DCBLD2: variants seen among roughly 807,000 people sequenced by gnomAD.
DCBLD2 encodes discoidin, CUB and LCCL domain-containing protein 2.
DCBLD2 carries 54 observed loss-of-function variants against 86.8 expected under a neutral mutation model. The observed-to-expected ratio is 0.62, with a 90% CI of 0.50 to 0.78. The LOEUF (loss-of-function observed/expected upper bound fraction) is 0.78, where lower values mean the gene tolerates loss of function less well. Among genes scored for constraint, DCBLD2 ranks in the 30% least tolerant of loss-of-function variants. The pLI is 0.00. For synonymous variants in DCBLD2, 354 were observed against 341.3 expected (o/e 1.04, Z -0.41); for missense variants, 908 against 954.2 (o/e 0.95, Z 0.64).
intron 3 of DCBLD2, among the ~76,000 whole-genome samples, chr3:98,835,938 C>CTTTCTT (rs56279917): frequency 0.28 from 32,062 of 114,850 alleles, 5,683 homozygotes; most frequent in East Asian, 0.59. Flanking sequence ...TCCTTTCTTT[C>CTTTCTT]TTTTTTTTTT....
chr3:98,881,758 C>T lies in DCBLD2; in HGVS notation c.215G>A (p.Cys72Tyr). 6.3e-7 allele frequency: 1 copy of T among 1,594,310 alleles called. No homozygotes were observed. Among genetic ancestry groups the T allele is most frequent in the Non-Finnish European group, 8.6e-7 (1 of 1,166,874 alleles). ...EDAGAQQGDGCGHTVLGPESG... is the reference protein window; with the variant it reads ...EDAGAQQGDGYGHTVLGPESG... ...CTCAGGGCCTAGTACAGTGTGTCCACATCCATCACCTTTAAAAAAAGTGAA... is the reference window on the plus strand; with the variant it reads ...CTCAGGGCCTAGTACAGTGTGTCCATATCCATCACCTTTAAAAAAAGTGAA... Residue 72 changes from cysteine (C) to tyrosine (Y), a missense_variant, in exon 2 of 16, where the codon TGT becomes TAT. Cys to Tyr is a radical substitution (Grantham distance 194). This residue lies in a region of DCBLD2 where 294 missense variants were observed against 256.0 expected (regional missense o/e 1.15). Coordinates refer to ENST00000326840, the MANE Select transcript of DCBLD2 (RefSeq NM_080927.4).
At chr3:98,838,120 T>TGGGGC (rs1942514768) in intron 3 of DCBLD2, among the ~76,000 whole-genome samples, 1 of 125,678 alleles carries the variant, frequency 8.0e-6, no homozygotes, top group Non-Finnish European at 1.7e-5. Context: ...CCCTCCCGGA[T>TGGGGC]GGGGCGGCTG....
intron 13 of DCBLD2, among the ~76,000 whole-genome samples, chr3:98,803,145 G>A (rs1421801953): frequency 6.6e-6 from 1 of 152,140 alleles, no homozygotes; most frequent in Non-Finnish European, 1.5e-5. Context: ...GGGCAGTATG[G>A]CCATTTTCAC....
intron 1 of DCBLD2, among the ~76,000 whole-genome samples, chr3:98,884,785 G>A (rs1943531201): frequency 6.6e-6 from 1 of 151,860 alleles, no homozygotes; most frequent in African/African-American, 2.4e-5. Context: ...AAGTGTAGAT[G>A]AATTTCAGAA....
At chr3:98,880,702 C>T (rs1180032254) in intron 2 of DCBLD2, among the ~76,000 whole-genome samples, 1 of 152,062 alleles carries the variant, frequency 6.6e-6, no homozygotes, top group African/African-American at 2.4e-5. Flanking sequence ...ATCTTAGGTG[C>T]TGTTTACTTT....
intron 4 of DCBLD2, among the ~76,000 whole-genome samples, chr3:98,823,897 G>T (rs1213970986): frequency 6.6e-6 from 1 of 152,132 alleles, no homozygotes; most frequent in African/African-American, 2.4e-5. Flanking sequence ...ACCGCCCCCA[G>T]TCAGGGAATG....
At chr3:98,853,924 A>G (rs1942885240) in intron 2 of DCBLD2, among the ~76,000 whole-genome samples, 1 of 152,222 alleles carries the variant, frequency 6.6e-6, no homozygotes, top group Non-Finnish European at 1.5e-5. Flanking sequence ...CTTTCAGTGG[A>G]GGGAAATGAA....
At position 98,819,232 on chromosome 3, in the gene DCBLD2, T is replaced by C. The variant is rs1180823174; in HGVS notation, c.1057A>G (p.Ile353Val). ...ATTTTCTTTTCCTTATTCAAATCTA[T>C]TTGTAACCACTGGTATTCATCAGTG... ...FATDEYQWLQ[I>V]DLNKEKKITG... Residue 353 changes from isoleucine (I) to valine (V), a missense_variant, in exon 8 of 16, where the codon ATA (isoleucine) becomes GTA (valine). Coordinates refer to ENST00000326840, the MANE Select transcript of DCBLD2 (RefSeq NM_080927.4). 6.3e-7 allele frequency: 1 copy of C among 1,593,898 alleles called. No individual in the cohort carries two copies. Among genetic ancestry groups the C allele is most frequent in the African/African-American group, 1.3e-5 (1 of 74,668 alleles).
At chr3:98,800,068 G>C (rs1263976561) in intron 15 of DCBLD2, among the ~76,000 whole-genome samples, 1 of 152,114 alleles carries the variant, frequency 6.6e-6, no homozygotes, top group Non-Finnish European at 1.5e-5. Flanking sequence ...TTTGCATATA[G>C]AATTTTCACA....
intron 4 of DCBLD2, among the ~76,000 whole-genome samples, chr3:98,823,030 AC>A (rs1404652869): frequency 6.6e-6 from 1 of 151,970 alleles, no homozygotes; most frequent in East Asian, 1.9e-4. Context: ...ATACCACCAC[AC>A]CTGGCTAATT....
rs767554940 is a variant in DCBLD2, at chr3:98,881,540, C to T, written c.433G>A (p.Gly145Ser). Residue 145 changes from glycine to serine, a missense_variant and splice_region_variant, in exon 2 of 16, where the codon GGC becomes AGC. Gly to Ser is a moderately conservative substitution (Grantham distance 56, BLOSUM62 0). Coordinates refer to ENST00000326840, the MANE Select transcript of DCBLD2 (RefSeq NM_080927.4). Reference protein sequence around the residue: ...NGIGVSRTEIGKYCGLGLQMN... With the variant: ...NGIGVSRTEISKYCGLGLQMN... ...GTACATTTACAAAAAAAAGTCCTAC[C>T]TATTTCAGTTCTGCTGACTCCAATT... 6 of 1,613,118 alleles carry T rather than the reference C, an allele frequency of 3.7e-6. No homozygotes were observed. Among genetic ancestry groups the T allele is most frequent in the South Asian group, 1.1e-5 (1 of 91,026 alleles).
chr3:98,839,244 TTTC>T (rs1942575535), intron 3 of DCBLD2, among the ~76,000 whole-genome samples: 1 of 150,724 alleles, frequency 6.6e-6, no homozygotes, highest in Admixed American at 6.6e-5. Context: ...TCTCTCATTC[TTTC>T]TTTCTTCCTC....
At chr3:98,870,783 A>AAGAAAGAAAGAAAGAAAG (rs1943262208) in intron 2 of DCBLD2, among the ~76,000 whole-genome samples, 1 of 150,954 alleles carries the variant, frequency 6.6e-6, no homozygotes, top group African/African-American at 2.4e-5. Flanking sequence ...GAAAGAAAGA[A>AAGAAAGAAAGAAAGAAAG]AGAAAGAAAG....
chr3:98,898,232 C>T, intron 1 of DCBLD2, among the ~76,000 whole-genome samples: 1 of 151,590 alleles, frequency 6.6e-6, no homozygotes, highest in Non-Finnish European at 1.5e-5. Context: ...ACTAATGATA[C>T]ATTTTATTCG....
chr3:98,877,579 A>G (rs1240753272), intron 2 of DCBLD2, among the ~76,000 whole-genome samples: 1 of 8,194 alleles, frequency 1.2e-4, no homozygotes, highest in Non-Finnish European at 3.6e-3. Flanking sequence ...GCAGATAAAT[A>G]TAAAAAGATA....
rs72934644 is a variant in DCBLD2 at position 98,808,610 on chromosome 3, C to T, written c.1577-436G>A. Among the ~76,000 whole-genome samples, 932 of 152,208 alleles carry T rather than the reference C, an allele frequency of 6.1e-3. 8 individuals carry two copies. The highest frequency in any genetic ancestry group is 0.021 in the African/African-American group (877 of 41,540). On this transcript the variant is annotated intron_variant, in intron 12 of 15. Transcript: ENST00000326840. ...GTAACCATTAAATATGTTAACTTCA[C>T]TAGTAATCAAAGAAATACAAGTTAA...
chr3:98,809,413 T>C (rs573832425), intron 12 of DCBLD2, among the ~76,000 whole-genome samples: 1 of 151,918 alleles, frequency 6.6e-6, no homozygotes, highest in African/African-American at 2.4e-5. Flanking sequence ...GGATAATCAG[T>C]AAGATTGGGT....
At chr3:98,842,113 T>A (rs1485316306) in intron 3 of DCBLD2, among the ~76,000 whole-genome samples, 16 of 152,208 alleles carry the variant, frequency 1.1e-4, no homozygotes, top group Non-Finnish European at 1.5e-5. Flanking sequence ...TATTATTTAC[T>A]AGAAATAAGA....
intron 3 of DCBLD2, among the ~76,000 whole-genome samples, chr3:98,846,231 A>G (rs1942719010): frequency 1.3e-5 from 2 of 152,318 alleles, no homozygotes; most frequent in African/African-American, 4.8e-5. Context: ...TCATCTTGAG[A>G]GCCTAACAAA....
Sources: gnomAD v4.1 joint callset for allele counts (sites outside exome capture counted in the v4.1 genomes callset) on GRCh38, gnomAD v4.1.1 for gene constraint, gnomAD v4.1.1 regional missense constraint, MANE v1.5 for transcripts, NCBI Gene and HGNC (gene_info 2026-07-23, HGNC 2026-07-21) for gene names.